The following ZNF804A variants were observed in gnomAD, a reference collection of about 807,000 sequenced individuals.
The protein encoded by ZNF804A is zinc finger protein 804A.
In ZNF804A, 2 loss-of-function variants were observed where a neutral mutation model predicts 16.5. That is an observed-to-expected ratio of 0.12 (90% CI 0.05 to 0.38). The LOEUF (loss-of-function observed/expected upper bound fraction) is 0.38. ZNF804A is among the 10% of genes least tolerant of loss of function. The probability of loss-of-function intolerance (pLI) is 0.99; values close to 1 mark genes in which losing one functional copy is unlikely to be tolerated. For missense variants in ZNF804A, 1,473 were observed against 1,390.7 expected, an observed-to-expected ratio of 1.06 and a Z score of -0.94; for synonymous variants, 534 against 489.6, an observed-to-expected ratio of 1.09 and a Z score of -1.20.
intron 1 of ZNF804A, among the ~76,000 whole-genome samples, chr2:184,844,637 A>G (rs1032142160): frequency 7.3e-5 from 11 of 150,582 alleles, no homozygotes; most frequent in African/African-American, 2.7e-4. Flanking sequence ...TAAATTCAAG[A>G]CTTTTCTCTT....
chr2:184,870,735 C>T (rs1395777550), intron 2 of ZNF804A, among the ~76,000 whole-genome samples: 2 of 151,840 alleles, frequency 1.3e-5, no homozygotes, highest in South Asian at 4.1e-4. Flanking sequence ...TAGGTAAGAG[C>T]TTCAAAAAAC....
chr2:184,747,520 C>T (rs1448648969), intron 1 of ZNF804A, among the ~76,000 whole-genome samples: 1 of 150,758 alleles, frequency 6.6e-6, no homozygotes, highest in Non-Finnish European at 1.5e-5. Context: ...TTATGTATTT[C>T]ATAAATAATG....
chr2:184,660,007 A>C (rs1692143874), intron 1 of ZNF804A, among the ~76,000 whole-genome samples: 1 of 152,136 alleles, frequency 6.6e-6, no homozygotes, highest in Admixed American at 6.6e-5. Flanking sequence ...CCTACTCCGA[A>C]GGCTGAAGCA....
intron 2 of ZNF804A, among the ~76,000 whole-genome samples, chr2:184,912,296 T>C (rs887863067): frequency 6.6e-6 from 1 of 152,072 alleles, no homozygotes; most frequent in African/African-American, 2.4e-5. Context: ...AATTTTTTTG[T>C]GGTGTATCCA....
At chr2:184,912,222 T>A (rs994956233) in intron 2 of ZNF804A, among the ~76,000 whole-genome samples, 1 of 152,068 alleles carries the variant, frequency 6.6e-6, no homozygotes, top group Non-Finnish European at 1.5e-5. Flanking sequence ...ATTCTGAATA[T>A]TGCATGTAAA....
chr2:184,605,630 AT>A (rs1342837601), intron 1 of ZNF804A, among the ~76,000 whole-genome samples: 1 of 152,134 alleles, frequency 6.6e-6, no homozygotes, highest in African/African-American at 2.4e-5. Context: ...TTTACTGGGC[AT>A]TAGAAGTAAT....
intron 1 of ZNF804A, among the ~76,000 whole-genome samples, chr2:184,789,338 C>T (rs1574213237): frequency 6.6e-6 from 1 of 152,014 alleles, no homozygotes; most frequent in Non-Finnish European, 1.5e-5. Flanking sequence ...AAGGATGACA[C>T]CTAATTCGTA....
chr2:184,656,469 T>C (rs1431034521), intron 1 of ZNF804A, among the ~76,000 whole-genome samples: 1 of 152,092 alleles, frequency 6.6e-6, no homozygotes, highest in Admixed American at 6.6e-5. Flanking sequence ...ATGAAGAAAT[T>C]AAGCAAAGGT....
In ZNF804A at chr2:184,777,296, G is replaced by A. The variant is rs1394827286; in HGVS notation, c.112-89073G>A. ...TTTAATGCCTTTTATCCTAATTTCTGATGATGCATACTTACCCTTCAGTGT... is the reference window on the plus strand; with the variant it reads ...TTTAATGCCTTTTATCCTAATTTCTAATGATGCATACTTACCCTTCAGTGT... On this transcript the variant is annotated intron_variant, in intron 1 of 3. Coordinates refer to ENST00000302277, the MANE Select transcript of ZNF804A (RefSeq NM_194250.2). Among the ~76,000 whole-genome samples the A allele has an allele frequency of 4.6e-5, 7 of 151,668 alleles. No homozygotes were observed. The East Asian group carries it at 9.7e-4, about 21-fold the overall frequency.
chr2:184,750,418 T>A (rs1278288149), intron 1 of ZNF804A, among the ~76,000 whole-genome samples: 1 of 151,388 alleles, frequency 6.6e-6, no homozygotes, highest in Non-Finnish European at 1.5e-5. Context: ...TTGGTTTTAT[T>A]CATAATGAAT....
chr2:184,676,960 A>G (rs975823475), intron 1 of ZNF804A, among the ~76,000 whole-genome samples: 2 of 151,856 alleles, frequency 1.3e-5, no homozygotes, highest in African/African-American at 4.8e-5. Context: ...TTTACTCTTC[A>G]TTTTGTTTGA....
At chr2:184,828,326 A>C (rs1695204943) in intron 1 of ZNF804A, among the ~76,000 whole-genome samples, 1 of 151,868 alleles carries the variant, frequency 6.6e-6, no homozygotes, top group Non-Finnish European at 1.5e-5. Context: ...ACAATGTGAT[A>C]ACAAAATAAA....
At chr2:184,730,447 A>C (rs951070513) in intron 1 of ZNF804A, among the ~76,000 whole-genome samples, 1 of 152,184 alleles carries the variant, frequency 6.6e-6, no homozygotes, top group Non-Finnish European at 1.5e-5. Flanking sequence ...ATGGGTTTTG[A>C]CAAATGTATA....
intron 2 of ZNF804A, among the ~76,000 whole-genome samples, chr2:184,899,726 T>G (rs1685146878): frequency 6.6e-6 from 1 of 151,908 alleles, no homozygotes; most frequent in Non-Finnish European, 1.5e-5. Context: ...TATTTTTTAT[T>G]TTAAAATTTG....
intron 1 of ZNF804A, among the ~76,000 whole-genome samples, chr2:184,653,507 C>T (rs1196452486): frequency 6.6e-6 from 1 of 152,156 alleles, no homozygotes; most frequent in East Asian, 1.9e-4. Flanking sequence ...CATTAAAAAG[C>T]TTTAGAGCAG....
chr2:184,929,372 T>C (rs1364878141), intron 2 of ZNF804A, among the ~76,000 whole-genome samples: 1 of 152,198 alleles, frequency 6.6e-6, no homozygotes, highest in South Asian at 2.1e-4. Context: ...TTGTTTTTCA[T>C]TCATTTGTTT....
chr2:184,598,919 G>C lies in ZNF804A; in HGVS notation c.-41G>C, dbSNP rs1472513142. 1 of 1,418,920 alleles carries C rather than the reference G, an allele frequency of 7.0e-7. No individual in the cohort carries two copies. Among genetic ancestry groups the C allele is most frequent in the Non-Finnish European group, 9.6e-7 (1 of 1,037,720 alleles). 87.9% of individuals were successfully genotyped at this position (1,418,920 alleles called of 1,614,324 possible). ...CGCTGCGGCTGTGGGCGCGGGGTGC[G>C]TGGAAGCGGCGGCTGCGGCGGAGGA... On this transcript the variant is annotated 5_prime_UTR_variant, in exon 1 of 4. Coordinates refer to ENST00000302277, the MANE Select transcript of ZNF804A (RefSeq NM_194250.2).
chr2:184,598,761 G>T lies in ZNF804A; in HGVS notation c.-199G>T. ...AGCGAGAGACTGAGGGGAGAGCGCGGCGAGCATGCGGAGGCGGGGGAGCCT... is the reference window on the plus strand; with the variant it reads ...AGCGAGAGACTGAGGGGAGAGCGCGTCGAGCATGCGGAGGCGGGGGAGCCT... On this transcript the variant is annotated 5_prime_UTR_variant, in exon 1 of 4. Coordinates refer to ENST00000302277, the MANE Select transcript of ZNF804A (RefSeq NM_194250.2). 2.7e-6 allele frequency: 1 copy of T among 371,076 alleles called. No homozygotes were observed. Among genetic ancestry groups the T allele is most frequent in the African/African-American group, 2.1e-5 (1 of 46,956 alleles). 23.0% of individuals were successfully genotyped at this position (371,076 alleles called of 1,614,324 possible). A position where few individuals can be genotyped will look rare whatever the true frequency, so the allele number is the denominator to read the frequency against.
intron 1 of ZNF804A, among the ~76,000 whole-genome samples, chr2:184,735,447 TG>T (rs1693592371): frequency 6.6e-6 from 1 of 150,944 alleles, no homozygotes; most frequent in Non-Finnish European, 1.5e-5. Context: ...TGTTTGGGGG[TG>T]GGGTGTTAGG....
Sources: gnomAD v4.1 joint callset for allele counts (sites outside exome capture counted in the v4.1 genomes callset) on GRCh38, gnomAD v4.1.1 for gene constraint, MANE v1.5 for transcripts, NCBI Gene and HGNC (gene_info 2026-07-23, HGNC 2026-07-21) for gene names.